The following ATP10B variants were observed in gnomAD, a reference collection of about 807,000 sequenced individuals.
ATP10B encodes ATPase phospholipid transporting 10B (putative).
In ATP10B, 122 loss-of-function variants were observed where a neutral mutation model predicts 141.2. The ratio of observed to expected loss-of-function variants is 0.86; its 90% CI spans 0.75 to 1.00. The LOEUF (loss-of-function observed/expected upper bound fraction) is 1.00. ATP10B is among the 50% of genes least tolerant of loss of function. The pLI is 0.00. For missense variants in ATP10B, 1,876 were observed against 1,825.3 expected (o/e 1.03, Z -0.51); for synonymous variants, 685 against 692.0 (o/e 0.99, Z 0.16).
chr5:160,591,673 C>T (rs1435178004), intron 22 of ATP10B, among the ~76,000 whole-genome samples: 1 of 152,150 alleles, frequency 6.6e-6, no homozygotes, highest in Non-Finnish European at 1.5e-5. Context: ...GCTCCAGAAA[C>T]AAGCCTTCTC....
chr5:160,686,876 A>G (rs1418211084), intron 5 of ATP10B: 1 of 872,722 alleles, frequency 1.1e-6, no homozygotes, highest in Non-Finnish European at 1.4e-6. Context: ...AATAATTACA[A>G]TATTGAGGGT....
intron 19 of ATP10B, 107 bp from the exon 20 acceptor site, chr5:160,604,148 T>C (rs1346451913): frequency 7.5e-6 from 6 of 800,750 alleles, no homozygotes; most frequent in Non-Finnish European, 1.3e-5. Flanking sequence ...CTTTTAACAT[T>C]ACTCTAGTGC....
rs140248172 is a variant in ATP10B at position 160,716,895 on chromosome 5, C to T, written c.-205+14G>A. ...GAAAAGGAAAGAAACGGGGAAGCAA[C>T]GCAAAAGATATACCTGTTAGCGGAG... On this transcript the variant is annotated intron_variant, in intron 3 of 25. Coordinates refer to ENST00000327245, the MANE Select transcript of ATP10B (RefSeq NM_025153.3). 1.1e-4 allele frequency: 112 copies of T among 985,242 alleles called. No homozygotes were observed. In the East Asian group the frequency reaches 9.0e-3, roughly 79 times the overall value. The allele number at this position is 985,242 out of a possible 1,614,324, so 61.0% of individuals were successfully genotyped here. A position where few individuals can be genotyped will look rare whatever the true frequency, so the allele number is the denominator to read the frequency against.
chr5:160,815,131 A>T (rs559713728), intron 1 of ATP10B, among the ~76,000 whole-genome samples: 527 of 152,318 alleles, frequency 3.5e-3, no homozygotes, highest in African/African-American at 0.011. Flanking sequence ...ATTCACACAT[A>T]ACAATATTAA....
intron 2 of ATP10B, among the ~76,000 whole-genome samples, chr5:160,753,847 CAG>C: frequency 6.6e-6 from 1 of 152,180 alleles, no homozygotes. Context: ...AACTGAGGCA[CAG>C]AGTGTTACAA....
At chr5:160,818,294 A>G (rs1424624340) in intron 1 of ATP10B, among the ~76,000 whole-genome samples, 1 of 152,208 alleles carries the variant, frequency 6.6e-6, no homozygotes, top group East Asian at 1.9e-4. Context: ...AACTCAAACA[A>G]ATTTACAAGA....
At chr5:160,739,377 A>T (rs554344492) in intron 2 of ATP10B, among the ~76,000 whole-genome samples, 10 of 152,354 alleles carry the variant, frequency 6.6e-5, no homozygotes, top group Middle Eastern at 3.4e-3. Context: ...GAATTAAAAG[A>T]GGTAAAATTA....
the ATP10B span, among the ~76,000 whole-genome samples, chr5:160,876,785 A>G: frequency 6.6e-6 from 1 of 151,244 alleles, no homozygotes; most frequent in African/African-American, 2.4e-5. Context: ...GAAAATCTAG[A>G]AGAAATGGAT....
intron 1 of ATP10B, among the ~76,000 whole-genome samples, chr5:160,790,427 C>T (rs1581537091): frequency 1.3e-5 from 2 of 152,272 alleles, no homozygotes; most frequent in Admixed American, 1.3e-4. Flanking sequence ...CCTGAGAAAA[C>T]TACTCCTAGA....
At chr5:160,816,736 C>T (rs1014308282) in intron 1 of ATP10B, among the ~76,000 whole-genome samples, 25 of 152,096 alleles carry the variant, frequency 1.6e-4, no homozygotes, top group African/African-American at 4.1e-4. Flanking sequence ...TGATAAACAT[C>T]GATGCAAAAA....
Position 160,632,159 on chromosome 5 carries a change from T to C in ATP10B, c.1590A>G (p.Ser530=). 6.2e-7 allele frequency: 1 copy of C among 1,613,470 alleles called. No individual in the cohort carries two copies. Among genetic ancestry groups the C allele is most frequent in the Non-Finnish European group, 8.5e-7 (1 of 1,179,364 alleles). ...RQRSMGHRES[S]QPPVAFSSSI... The stretch of plus-strand genomic sequence containing the variant: ...AGCTGCTGAAGGCCACAGGAGGCTG[T>C]GAGCTTTCACGGTGCCCCATAGACC... Residue 530 remains serine (S), a synonymous_variant, in exon 13 of 26, where the codon TCA becomes TCG. Transcript: ENST00000327245.
At chr5:160,752,173 CTT>C (rs561913092) in intron 2 of ATP10B, among the ~76,000 whole-genome samples, 14,428 of 123,166 alleles carry the variant, frequency 0.12, 1,194 homozygotes, top group East Asian at 0.33. Context: ...AGTCCCCCTA[CTT>C]TTTTTTTTTT....
chr5:160,831,904 G>C (rs1424831194), intron 1 of ATP10B, among the ~76,000 whole-genome samples: 1 of 152,082 alleles, frequency 6.6e-6, no homozygotes, highest in African/African-American at 2.4e-5. Flanking sequence ...TGGCTTCCCA[G>C]AGTCTCTATC....
At chr5:160,663,740 G>A (rs189296178) in intron 7 of ATP10B, among the ~76,000 whole-genome samples, 231 of 151,958 alleles carry the variant, frequency 1.5e-3, no homozygotes, top group Non-Finnish European at 2.6e-3. Flanking sequence ...GTATACATAT[G>A]TAACAAACCT....
intron 13 of ATP10B, among the ~76,000 whole-genome samples, chr5:160,625,559 C>G (rs1055189531): frequency 6.6e-6 from 1 of 152,188 alleles, no homozygotes; most frequent in Non-Finnish European, 1.5e-5. Flanking sequence ...AAGGAGGAAA[C>G]TGCTTGAGAT....
At chr5:160,894,965 G>A in the ATP10B span, among the ~76,000 whole-genome samples, 1 of 152,172 alleles carries the variant, frequency 6.6e-6, no homozygotes, top group African/African-American at 2.4e-5. Context: ...AGCTTCATAA[G>A]TGAAGGAGAA....
chr5:160,567,563 C>T (rs1318448621), intron 25 of ATP10B, among the ~76,000 whole-genome samples: 1 of 151,986 alleles, frequency 6.6e-6, no homozygotes, highest in African/African-American at 2.4e-5. Context: ...AAGGTAGTGG[C>T]TTGGGGGAAA....
intron 13 of ATP10B, among the ~76,000 whole-genome samples, chr5:160,625,664 T>C (rs116011399): frequency 0.027 from 4,144 of 152,328 alleles, 182 homozygotes; most frequent in African/African-American, 0.095. Context: ...CTATGCATTA[T>C]GTATTTCCAA....
chr5:160,715,303 G>T (rs1399015599), intron 3 of ATP10B, among the ~76,000 whole-genome samples: 1 of 129,932 alleles, frequency 7.7e-6, no homozygotes, highest in Non-Finnish European at 1.7e-5. Flanking sequence ...CCAGGTGTGG[G>T]ATATAGTCTC....
Sources: allele counts gnomAD v4.1 joint callset (sites outside exome capture counted in the v4.1 genomes callset), GRCh38; gene constraint gnomAD v4.1.1; transcripts MANE v1.5; gene names NCBI Gene and HGNC (gene_info 2026-07-23, HGNC 2026-07-21).